Variants in SLC1A1 observed in about 807,000 individuals in gnomAD.
The protein encoded by SLC1A1 is solute carrier family 1 member 1.
A neutral mutation model predicts 53.3 loss-of-function variants in SLC1A1; 43 were observed. That is an observed-to-expected ratio of 0.81 (90% confidence interval 0.63 to 1.04). The LOEUF is 1.04. SLC1A1 is among the 50% of genes least tolerant of loss of function. The pLI, the probability that SLC1A1 is intolerant of heterozygous loss-of-function variation, is 0.00. For missense variants in SLC1A1, 748 were observed against 664.9 expected, an observed-to-expected ratio of 1.12 and a Z score of -1.37; for synonymous variants, 307 against 243.2, an observed-to-expected ratio of 1.26 and a Z score of -2.44.
At chr9:4,529,317 G>A (rs1161188995) in intron 1 of SLC1A1, among the ~76,000 whole-genome samples, 1 of 152,082 alleles carries the variant, frequency 6.6e-6, no homozygotes, top group Admixed American at 6.5e-5. Context: ...CTAATTATGG[G>A]CCACACTGAA....
Position 4,506,209 on chromosome 9 carries a change from A to G in SLC1A1, c.91+15439A>G, listed in dbSNP as rs535463412. ...TGACCTTAAGTGATCCACCTGCCTC[A>G]GCCTCCCAAAGTGCTGGGATTACAG... On this transcript the variant is annotated intron_variant, in intron 1 of 11. Coordinates refer to ENST00000262352, the MANE Select transcript of SLC1A1 (RefSeq NM_004170.6). Among the ~76,000 whole-genome samples the G allele has an allele frequency of 3.9e-5, 6 of 152,300 alleles. No homozygotes were observed. The East Asian group carries it at 1.2e-3, about 29-fold the overall frequency.
intron 1 of SLC1A1, among the ~76,000 whole-genome samples, chr9:4,507,387 G>C (rs1563997721): frequency 6.6e-6 from 1 of 152,142 alleles, no homozygotes; most frequent in African/African-American, 2.4e-5. Flanking sequence ...GTAATCCACT[G>C]TTGTTATTAA....
chr9:4,500,372 G>A (rs1473013830), intron 1 of SLC1A1, among the ~76,000 whole-genome samples: 1 of 152,102 alleles, frequency 6.6e-6, no homozygotes, highest in African/African-American at 2.4e-5. Flanking sequence ...GCAGTAGTGC[G>A]ATCTCGGCTA....
chr9:4,565,343 T>TATTA (rs1180965564), intron 4 of SLC1A1, among the ~76,000 whole-genome samples: 7 of 152,216 alleles, frequency 4.6e-5, no homozygotes, highest in African/African-American at 1.7e-4. Context: ...TTGGTAAGTG[T>TATTA]ATTAGTCCAT....
chr9:4,511,598 C>CACACACT (rs1300566474), intron 1 of SLC1A1, among the ~76,000 whole-genome samples: 10 of 149,144 alleles, frequency 6.7e-5, no homozygotes, highest in African/African-American at 2.5e-4. Flanking sequence ...CACACACACA[C>CACACACT]ACTACACTAC....
intron 1 of SLC1A1, among the ~76,000 whole-genome samples, chr9:4,518,922 T>C (rs1815961386): frequency 6.6e-6 from 1 of 152,340 alleles, no homozygotes; most frequent in African/African-American, 2.4e-5. Flanking sequence ...AGGCTGTCCT[T>C]TATGCTCCAT....
intron 1 of SLC1A1, among the ~76,000 whole-genome samples, chr9:4,514,965 C>G (rs1458838968): frequency 1.3e-5 from 2 of 152,022 alleles, no homozygotes; most frequent in East Asian, 3.9e-4. Flanking sequence ...TCTGACTGGG[C>G]TGGCAGGATT....
At chr9:4,534,826 A>G (rs1314297048) in intron 1 of SLC1A1, among the ~76,000 whole-genome samples, 2 of 152,298 alleles carry the variant, frequency 1.3e-5, no homozygotes, top group Admixed American at 6.5e-5. Flanking sequence ...CTGGCAAACC[A>G]AATCCAGCAG....
At chr9:4,557,768 G>C (rs554805196) in intron 2 of SLC1A1, among the ~76,000 whole-genome samples, 84 of 152,310 alleles carry the variant, frequency 5.5e-4, no homozygotes, top group African/African-American at 2.0e-3. Flanking sequence ...TCTATCATCA[G>C]GAAGCTCTAC....
At chr9:4,577,858 G>A (rs1421278108) in intron 10 of SLC1A1, among the ~76,000 whole-genome samples, 3 of 152,206 alleles carry the variant, frequency 2.0e-5, no homozygotes, top group Non-Finnish European at 4.4e-5. Flanking sequence ...CCAGTTAGGA[G>A]ACCACTGCAG....
intron 10 of SLC1A1, among the ~76,000 whole-genome samples, chr9:4,580,643 G>GTGTGTA (rs1820997089): frequency 1.4e-5 from 2 of 142,232 alleles, no homozygotes; most frequent in African/African-American, 5.3e-5. Context: ...GTGTGTGTGT[G>GTGTGTA]TGTGTGTGTA....
intron 1 of SLC1A1, among the ~76,000 whole-genome samples, chr9:4,513,576 T>G (rs1282307711): frequency 1.3e-5 from 2 of 152,156 alleles, no homozygotes; most frequent in Admixed American, 1.3e-4. Context: ...GTGGAGCAAC[T>G]GGTACTATTA....
At position 4,544,644 on chromosome 9, in the gene SLC1A1, GA is replaced by G; in HGVS notation, c.172del (p.Ile58PhefsTer2). On this transcript the variant is annotated frameshift_variant, in exon 2 of 12. Coordinates refer to ENST00000262352, the MANE Select transcript of SLC1A1 (RefSeq NM_004170.6). LOFTEE classifies it high-confidence loss of function. Reference sequence around the variant, plus strand: ...GAAATTCTACTTTGCTTTTCCTGGAGAAATTCTAATGCGGATGCTGAAACTC... The same window carrying G: ...GAAATTCTACTTTGCTTTTCCTGGAGAATTCTAATGCGGATGCTGAAACTC... ...LEKFYFAFPG[E>X]ILMRMLKLII... The G allele has an allele frequency of 6.2e-7, 1 of 1,613,754 alleles. No homozygotes were observed.
chr9:4,576,537 G>A, intron 9 of SLC1A1, 32 bp from the exon 10 acceptor site: 1 of 1,589,610 alleles, frequency 6.3e-7, no homozygotes, highest in Non-Finnish European at 8.6e-7. Flanking sequence ...AGCATTTCTA[G>A]ACATAAGTTC....
At chr9:4,516,062 G>C (rs1230642328) in intron 1 of SLC1A1, among the ~76,000 whole-genome samples, 2 of 152,182 alleles carry the variant, frequency 1.3e-5, no homozygotes, top group Non-Finnish European at 2.9e-5. Flanking sequence ...TCCTGTTAGA[G>C]AGCCACACTG....
At chr9:4,567,617 T>TA (rs1564051018) in intron 5 of SLC1A1, 52 bp from the exon 6 acceptor site, 46 of 1,215,486 alleles carry the variant, frequency 3.8e-5, no homozygotes, top group Non-Finnish European at 4.7e-5. Flanking sequence ...CTCAAAAGCT[T>TA]AAAAAAAATT....
intron 11 of SLC1A1, among the ~76,000 whole-genome samples, chr9:4,584,062 A>C (rs559887470): frequency 1.3e-5 from 2 of 152,300 alleles, no homozygotes; most frequent in East Asian, 3.9e-4. Flanking sequence ...GTCCCCTGGC[A>C]TTGCAGGTAA....
intron 1 of SLC1A1, among the ~76,000 whole-genome samples, chr9:4,522,827 A>T (rs1816129931): frequency 6.6e-6 from 1 of 152,160 alleles, no homozygotes; most frequent in Non-Finnish European, 1.5e-5. Flanking sequence ...TCCATGATCC[A>T]ATCACCTTCC....
chr9:4,508,175 G>C (rs1003013061), intron 1 of SLC1A1, among the ~76,000 whole-genome samples: 7 of 152,096 alleles, frequency 4.6e-5, no homozygotes, highest in African/African-American at 1.7e-4. Context: ...CAAGATGATA[G>C]GTAGAATCAC....
Sources: allele counts gnomAD v4.1 joint callset (sites outside exome capture counted in the v4.1 genomes callset), GRCh38; gene constraint gnomAD v4.1.1; transcripts MANE v1.5; gene names NCBI Gene and HGNC (gene_info 2026-07-23, HGNC 2026-07-21).